NEURL4: variants seen among roughly 807,000 people sequenced by gnomAD.
NEURL4 encodes neuralized-like protein 4.
A neutral mutation model predicts 148.0 loss-of-function variants in NEURL4; 45 were observed. The observed-to-expected ratio is 0.30, with a 90% CI of 0.24 to 0.39. The LOEUF is 0.39. Ranked by LOEUF, NEURL4 falls within the 10% of genes least tolerant of loss-of-function variation. The probability of loss-of-function intolerance (pLI) is 1.00; values close to 1 mark genes in which losing one functional copy is unlikely to be tolerated. For synonymous variants in NEURL4, 854 were observed against 869.0 expected (o/e 0.98, Z 0.30); for missense variants, 1,776 against 2,144.0 (o/e 0.83, Z 3.39).
Position 7,323,834 on chromosome 17 carries a change from G to A in NEURL4, c.2241C>T (p.Asp747=), listed in dbSNP as rs768630751. ...CTGACCGGTTGGAGATGACGATGGCGTCATTAAACTCGCTGCGACAGTTGT... is the reference window on the plus strand; with the variant it reads ...CTGACCGGTTGGAGATGACGATGGCATCATTAAACTCGCTGCGACAGTTGT... ...LRHNCRSEFN[D]AIVISNRALR... is the part of the protein sequence containing the mutation. Residue 747 remains aspartate (D), a synonymous_variant, in exon 12 of 29, where the codon GAC becomes GAT. Coordinates refer to ENST00000399464, the MANE Select transcript of NEURL4 (RefSeq NM_032442.3). 3.6e-5 allele frequency: 58 copies of A among 1,614,008 alleles called. No homozygotes were observed. The highest frequency in any genetic ancestry group is 1.6e-4 in the Middle Eastern group (1 of 6,084).
At chr17:7,320,959 C>T (rs1439753728) in intron 20 of NEURL4, 36 bp from the exon 21 acceptor site, 1 of 1,610,976 alleles carries the variant, frequency 6.2e-7, no homozygotes, top group African/African-American at 1.3e-5. Flanking sequence ...GCATGGGTTG[C>T]CAATGCCAGG....
Position 7,318,909 on chromosome 17 carries a change from A to T in NEURL4, c.3684+141T>A. The T allele has an allele frequency of 1.0e-6, 1 of 990,208 alleles. No homozygotes were observed. Among genetic ancestry groups the T allele is most frequent in the Non-Finnish European group, 1.5e-6 (1 of 678,626 alleles). The allele number at this position is 990,208 out of a possible 1,614,324, so 61.3% of individuals were successfully genotyped here. ...GGCCTAAGACTGACCAGGCAATGCT[A>T]CTCGCCCTTGCCTGCCCATTACTGT... On this transcript the variant is annotated intron_variant, in intron 22 of 28. Transcript: ENST00000399464. The surrounding 1 kb of genome is among the most constrained non-coding windows in gnomAD (Gnocchi z 4.3).
intron 13 of NEURL4, 27 bp from the exon 14 acceptor site, chr17:7,323,590 G>T: frequency 1.2e-6 from 2 of 1,614,062 alleles, no homozygotes; most frequent in South Asian, 2.2e-5. Context: ...GTAAGTCAAG[G>T]CCGATCCCCA....
At chr17:7,320,965 C>T in intron 20 of NEURL4, 42 bp from the exon 21 acceptor site, 5 of 1,607,850 alleles carry the variant, frequency 3.1e-6, no homozygotes, top group Non-Finnish European at 4.3e-6. Flanking sequence ...GTTGCCAATG[C>T]CAGGACTGAC....
chr17:7,328,645 C>T (rs971475331), intron 1 of NEURL4, among the ~76,000 whole-genome samples: 12 of 152,170 alleles, frequency 7.9e-5, no homozygotes, highest in South Asian at 4.1e-4. Flanking sequence ...TCTAGTGATC[C>T]GCCCGCCTCG....
intron 7 of NEURL4, 29 bp downstream of exon 7, chr17:7,325,612 C>G: frequency 6.2e-7 from 1 of 1,609,654 alleles, no homozygotes; most frequent in South Asian, 1.1e-5. Context: ...AAAGCCCCGG[C>G]CCAGAGGCTC....
In NEURL4 at chr17:7,327,632, C is replaced by G. The variant is rs1164746049; in HGVS notation, c.535G>C (p.Gly179Arg). The G allele has an allele frequency of 1.1e-5, 18 of 1,613,082 alleles. No homozygotes were observed. Among genetic ancestry groups the G allele is most frequent in the Non-Finnish European group, 1.5e-5 (18 of 1,179,954 alleles). Reference protein sequence around the residue: ...LRLWVNGRDCGVAATGLPPRV... With the variant: ...LRLWVNGRDCRVAATGLPPRV... ...GGGGGCAGGCCTGTGGCAGCCACAC[C>G]GCAATCCCGCCCATTCACCCAGAGC... The change falls in exon 2 of 29, where the codon GGT becomes CGT. Residue 179 changes from glycine (G) to arginine (R), a missense_variant. By Grantham distance (125) the Gly-to-Arg change is moderately radical. Transcript: ENST00000399464. The surrounding 1 kb of genome is among the most constrained non-coding windows in gnomAD (Gnocchi z 6.6).
chr17:7,325,161 C>CTT, intron 8 of NEURL4, 48 bp downstream of exon 8: 1 of 824,776 alleles, frequency 1.2e-6, no homozygotes. Context: ...CCCCCCCCCC[C>CTT]CCATTAGAAT....
Position 7,327,062 on chromosome 17 carries a change from A to AC in NEURL4, c.794-54dup. ...CTCGGAAGTTGGGATGAGGCTCTACACCCCCAGACCTGGTGCCTCTCTCCC... is the reference window on the plus strand; with the variant it reads ...CTCGGAAGTTGGGATGAGGCTCTACACCCCCCAGACCTGGTGCCTCTCTCCC... On this transcript the variant is annotated intron_variant, in intron 3 of 28. Coordinates refer to ENST00000399464, the MANE Select transcript of NEURL4 (RefSeq NM_032442.3). The surrounding 1 kb of genome is among the most constrained non-coding windows in gnomAD (Gnocchi z 6.6). 4 of 1,599,308 alleles carry AC rather than the reference A, an allele frequency of 2.5e-6. No individual in the cohort carries two copies.
rs755927839 is a variant in NEURL4, at chr17:7,318,511, T to A, written c.3848A>T (p.Tyr1283Phe). The A allele has an allele frequency of 6.2e-7, 1 of 1,610,058 alleles. No individual in the cohort carries two copies. Among genetic ancestry groups the A allele is most frequent in the Non-Finnish European group, 8.5e-7 (1 of 1,177,698 alleles). The change falls in exon 23 of 29, where the codon TAT becomes TTT. Residue 1283 changes from tyrosine to phenylalanine, a missense_variant. Coordinates refer to ENST00000399464, the MANE Select transcript of NEURL4 (RefSeq NM_032442.3). The surrounding 1 kb of genome is among the most constrained non-coding windows in gnomAD (Gnocchi z 4.3). ...GCCACTAACCTGCTCACACTGCCCA[T>A]AGAGGTCCACAAGCGCATGGCAGGG... ...PQPCHALVDLYGQCEQVTIVN... is the reference protein window; with the variant it reads ...PQPCHALVDLFGQCEQVTIVN...
At chr17:7,319,503 C>T (rs942879385) in intron 21 of NEURL4, among the ~76,000 whole-genome samples, 10 of 149,816 alleles carry the variant, frequency 6.7e-5, no homozygotes, top group Middle Eastern at 3.5e-3. Context: ...GAGTTTGAGA[C>T]CAGCCTGACC....
chr17:7,323,344 T>C, intron 14 of NEURL4, 141 bp downstream of exon 14: 1 of 994,406 alleles, frequency 1.0e-6, no homozygotes, highest in Non-Finnish European at 1.5e-6. Flanking sequence ...TGGGCAGGAC[T>C]TCCCAGAATT....
chr17:7,321,860 C>G lies in NEURL4; in HGVS notation c.2871+5G>C, dbSNP rs557440928. The stretch of plus-strand genomic sequence containing the variant: ...CAGCCCCTCTGTCACATCACTACGG[C>G]CTACCTCAAAGACTTCCTCAGCCCT... On this transcript the variant is annotated splice_donor_5th_base_variant and intron_variant, in intron 17 of 28. Coordinates refer to ENST00000399464, the MANE Select transcript of NEURL4 (RefSeq NM_032442.3). The surrounding 1 kb of genome is among the most constrained non-coding windows in gnomAD (Gnocchi z 6.3). 1.2e-6 allele frequency: 2 copies of G among 1,613,054 alleles called. No individual in the cohort carries two copies. The highest frequency in any genetic ancestry group is 1.3e-5 in the African/African-American group (1 of 75,048).
rs1008682052 is a variant in NEURL4 at position 7,324,628 on chromosome 17, C to T, written c.1814-148G>A. 57 of 1,068,884 alleles carry T rather than the reference C, an allele frequency of 5.3e-5. No homozygotes were observed. The highest frequency in any genetic ancestry group is 7.1e-5 in the Non-Finnish European group (52 of 727,978). 66.2% of individuals were successfully genotyped at this position (1,068,884 alleles called of 1,614,324 possible). On this transcript the variant is annotated intron_variant, in intron 9 of 28. Transcript: ENST00000399464. This position sits in a 1 kb window ranked among gnomAD's most constrained non-coding sequence, Gnocchi z 5.9. Reference sequence around the variant, plus strand: ...TTCTTCCCTGAGCAGGACAAGAAAACTCTGCAGCTTCCAAGACAGCCACAG... The same window carrying T: ...TTCTTCCCTGAGCAGGACAAGAAAATTCTGCAGCTTCCAAGACAGCCACAG...
In NEURL4 at chr17:7,321,027, T is replaced by C; in HGVS notation, c.3360+85A>G. 1 of 1,591,972 alleles carries C rather than the reference T, an allele frequency of 6.3e-7. No homozygotes were observed. The highest frequency in any genetic ancestry group is 8.6e-7 in the Non-Finnish European group (1 of 1,166,384). On this transcript the variant is annotated intron_variant, in intron 20 of 28. Coordinates refer to ENST00000399464, the MANE Select transcript of NEURL4 (RefSeq NM_032442.3). This position sits in a 1 kb window ranked among gnomAD's most constrained non-coding sequence, Gnocchi z 6.3. ...CTGAGTGTGAGCCTCCACCCAACGA[T>C]CAGAGAACCCAGAAAAGGCCTGGCA...
At position 7,320,760 on chromosome 17, in the gene NEURL4, T is replaced by C; in HGVS notation, c.3524A>G (p.Gln1175Arg). Residue 1175 changes from glutamine to arginine, a missense_variant and splice_region_variant, in exon 21 of 29, where the codon CAG (glutamine) becomes CGG (arginine). Physicochemically the swap from Gln to Arg is conservative, Grantham distance 43 (BLOSUM62 1). Coordinates refer to ENST00000399464, the MANE Select transcript of NEURL4 (RefSeq NM_032442.3). ...NQPLVPQLLV[Q>R]VRIDFLNRQW... ...TGGGGATAGGGAGGGAGAACCCACC[T>C]GCACCAGCAGCTGGGGCACCAGAGG... is the stretch of plus-strand genomic sequence containing the variant. 6.2e-7 allele frequency: 1 copy of C among 1,613,112 alleles called. No individual in the cohort carries two copies. Among genetic ancestry groups the C allele is most frequent in the South Asian group, 1.1e-5 (1 of 90,980 alleles).
chr17:7,321,291 C>A lies in NEURL4; in HGVS notation c.3199-18G>T. ...CACACGTTCTGGGAGGCACACAAGA[C>A]CCAGAAAATCAGAGATCAGCAGAAG... On this transcript the variant is annotated intron_variant, in intron 19 of 28. Coordinates refer to ENST00000399464, the MANE Select transcript of NEURL4 (RefSeq NM_032442.3). The surrounding 1 kb of genome is among the most constrained non-coding windows in gnomAD (Gnocchi z 6.3). 1 of 1,612,972 alleles carries A rather than the reference C, an allele frequency of 6.2e-7. No individual in the cohort carries two copies. Among genetic ancestry groups the A allele is most frequent in the Non-Finnish European group, 8.5e-7 (1 of 1,179,164 alleles).
intron 25 of NEURL4, 36 bp from the exon 26 acceptor site, chr17:7,317,968 C>G: frequency 6.2e-7 from 1 of 1,613,642 alleles, no homozygotes; most frequent in Non-Finnish European, 8.5e-7. Context: ...GGTGCTGTGG[C>G]TCCCACCTCA....
At position 7,323,817 on chromosome 17, in the gene NEURL4, T is replaced by C. The variant is rs770980652; in HGVS notation, c.2258A>G (p.Asn753Ser). Residue 753 changes from asparagine to serine, a missense_variant, in exon 12 of 29, where the codon AAC (asparagine) becomes AGC (serine). Asn to Ser is a conservative substitution (Grantham distance 46, BLOSUM62 1). Transcript: ENST00000399464. ...SEFNDAIVIS[N>S]RALRDGELFE... ...ACATGAAAGTTGAGAGACTGACCGG[T>C]TGGAGATGACGATGGCGTCATTAAA... The C allele has an allele frequency of 3.1e-6, 5 of 1,613,884 alleles. No individual in the cohort carries two copies. The highest frequency in any genetic ancestry group is 1.1e-5 in the South Asian group (1 of 91,082).
Sources: gnomAD v4.1 joint callset for allele counts (sites outside exome capture counted in the v4.1 genomes callset) on GRCh38, gnomAD v4.1.1 for gene constraint, Gnocchi (gnomAD v3.1) non-coding constraint, MANE v1.5 for transcripts, NCBI Gene and HGNC (gene_info 2026-07-23, HGNC 2026-07-21) for gene names.